USP53: variants seen among roughly 807,000 people sequenced by gnomAD.
USP53 encodes ubiquitin carboxyl-terminal hydrolase 53.
A neutral mutation model predicts 94.9 loss-of-function variants in USP53; 71 were observed. That is an observed-to-expected ratio of 0.75 (90% CI 0.62 to 0.91). The LOEUF (loss-of-function observed/expected upper bound fraction) is 0.91, where lower values mean the gene tolerates loss of function less well. USP53 is among the 40% of genes least tolerant of loss of function. The pLI, the probability that USP53 is intolerant of heterozygous loss-of-function variation, is 0.00. For synonymous variants in USP53, 375 were observed against 422.7 expected, an observed-to-expected ratio of 0.89 and a Z score of 1.39; for missense variants, 1,173 against 1,281.0, an observed-to-expected ratio of 0.92 and a Z score of 1.29.
chr4:119,263,503 T>C (rs1750746517), intron 12 of USP53, among the ~76,000 whole-genome samples: 1 of 152,160 alleles, frequency 6.6e-6, no homozygotes, highest in Admixed American at 6.5e-5. Flanking sequence ...TTCCTTGGAA[T>C]TTTTGGCTAA....
rs1017339896 is a variant in USP53 at position 119,256,653 on chromosome 4, G to A, written c.569+130G>A. 6.5e-6 allele frequency: 6 copies of A among 928,734 alleles called. No homozygotes were observed. In the African/African-American group the frequency reaches 6.6e-5, roughly 10 times the overall value. 57.5% of individuals were successfully genotyped at this position (928,734 alleles called of 1,614,324 possible). On this transcript the variant is annotated intron_variant, in intron 9 of 18. Coordinates refer to ENST00000692078, the MANE Select transcript of USP53 (RefSeq NM_001371395.1). The stretch of plus-strand genomic sequence containing the variant: ...GTCTGAGGCTACCAAGTATGCTGCT[G>A]TGAGATGTATTAAGTGATGTCTATC...
At chr4:119,273,798 A>T in intron 17 of USP53, 90 bp downstream of exon 17, 1 of 1,003,784 alleles carries the variant, frequency 1.0e-6, no homozygotes, top group Non-Finnish European at 1.4e-6. Context: ...AGAAAATCCT[A>T]TATGACTATA....
Position 119,291,163 on chromosome 4 carries a change from A to AAG in USP53, c.2252-2_2252-1insAG. 3 of 1,421,598 alleles carry AAG rather than the reference A, an allele frequency of 2.1e-6. No homozygotes were observed. Among genetic ancestry groups the AAG allele is most frequent in the Non-Finnish European group, 2.8e-6 (3 of 1,059,004 alleles). The allele number at this position is 1,421,598 out of a possible 1,614,324, so 88.1% of individuals were successfully genotyped here. ...TCTTCTCCCCACCCCACCCAACCCTAGGCTTTAGAAAAGAACTCAGGAATT... is the reference window on the plus strand; with the variant it reads ...TCTTCTCCCCACCCCACCCAACCCTAAGGGCTTTAGAAAAGAACTCAGGAATT... On this transcript the variant is annotated splice_acceptor_variant, in intron 17 of 18. Coordinates refer to ENST00000692078, the MANE Select transcript of USP53 (RefSeq NM_001371395.1). LOFTEE classifies it high-confidence loss of function.
In USP53 at chr4:119,237,253, G is replaced by T. The variant is rs139231109; in HGVS notation, c.-543+1842G>T. ...TTTGTTGTTCCATTTGTAGAATACA[G>T]TCAGTCTAGATTTATCATGATTTTT... is the stretch of plus-strand genomic sequence containing the variant. On this transcript the variant is annotated intron_variant, in intron 4 of 18. Transcript: ENST00000692078. Among the ~76,000 whole-genome samples the T allele has an allele frequency of 2.8e-3, 419 of 152,250 alleles. 1 individual carries two copies. Among genetic ancestry groups the T allele is most frequent in the African/African-American group, 9.7e-3 (405 of 41,556 alleles).
At chr4:119,254,245 C>T (rs766003950) in intron 7 of USP53, among the ~76,000 whole-genome samples, 2 of 152,080 alleles carry the variant, frequency 1.3e-5, no homozygotes, top group Non-Finnish European at 2.9e-5. Context: ...TCTGTATTTC[C>T]TGAATTTGAA....
At chr4:119,214,263 G>C (rs1743386828) in intron 2 of USP53, 41 bp downstream of exon 2, 1 of 151,872 alleles carries the variant, frequency 6.6e-6, no homozygotes, top group African/African-American at 2.4e-5. Flanking sequence ...TAAGGTTTTT[G>C]TTTTGTATCT....
At chr4:119,292,149 A>G (rs571883116) in intron 18 of USP53, among the ~76,000 whole-genome samples, 189 bp from the exon 19 acceptor site, 1 of 152,262 alleles carries the variant, frequency 6.6e-6, no homozygotes, top group South Asian at 2.1e-4. Flanking sequence ...TCTGACATAA[A>G]GAGTTTGGAT....
At chr4:119,239,929 T>A (rs1747289394) in intron 5 of USP53, 26 bp downstream of exon 5, 2 of 1,395,312 alleles carry the variant, frequency 1.4e-6, no homozygotes, top group Non-Finnish European at 9.4e-7. Flanking sequence ...CTTATTACAT[T>A]AAAAAAAATA....
chr4:119,291,240 TA>T lies in USP53; in HGVS notation c.2333del (p.Asn778IlefsTer3). ...TTCCACCCAGAATCACATTTACAAA[TA>T]AAAAATCATTTGATAAAAAGGTAAC... The part of the protein sequence containing the change: ...HEFHPESHLQ[I>X]KNHLIKRSHV... On this transcript the variant is annotated frameshift_variant, in exon 18 of 19. Transcript: ENST00000692078. LOFTEE classifies it low-confidence loss of function (END_TRUNC). 1 of 1,358,302 alleles carries T rather than the reference TA, an allele frequency of 7.4e-7. No homozygotes were observed. The highest frequency in any genetic ancestry group is 1.2e-5 in the South Asian group (1 of 84,538). 84.1% of individuals were successfully genotyped at this position (1,358,302 alleles called of 1,614,324 possible).
At chr4:119,212,676 C>A (rs1743008387), upstream of USP53, 1 of 346,662 alleles carries the variant, frequency 2.9e-6, no homozygotes. Flanking sequence ...CTCACAGGGT[C>A]GGGCTCTGGG....
At chr4:119,249,357 A>G (rs1355350963) in intron 7 of USP53, among the ~76,000 whole-genome samples, 1 of 152,154 alleles carries the variant, frequency 6.6e-6, no homozygotes. Flanking sequence ...TGATGTTCTC[A>G]GGCTCTGTGT....
rs865941076 is a variant in USP53 at position 119,294,479 on chromosome 4, G to A, written c.*1268G>A. ...TAAGTTACTTTAATTGCTTTATTTC[G>A]TTAGTTGTCATTTTATTTTGTACTA... On this transcript the variant is annotated 3_prime_UTR_variant, in exon 19 of 19. Coordinates refer to ENST00000692078, the MANE Select transcript of USP53 (RefSeq NM_001371395.1). 4 of 148,502 alleles carry A rather than the reference G, an allele frequency of 2.7e-5. No individual in the cohort carries two copies. Among genetic ancestry groups the A allele is most frequent in the South Asian group, 2.1e-4 (1 of 4,746 alleles). The allele number at this position is 148,502 out of a possible 1,614,324, so 9.2% of individuals were successfully genotyped here. A position where few individuals can be genotyped will look rare whatever the true frequency, so the allele number is the denominator to read the frequency against.
Position 119,271,292 on chromosome 4 carries a change from TAAGA to T in USP53, c.1436-3_1436del, listed in dbSNP as rs1578529976. ...CATGTGTATCTTTAATTTTTTTTTT[TAAGA>T]TTTGGTTGATGAAGACCTTTCACAT... On this transcript the variant is annotated splice_acceptor_variant and splice_polypyrimidine_tract_variant and coding_sequence_variant and intron_variant, in exon 16 of 19. Coordinates refer to ENST00000692078, the MANE Select transcript of USP53 (RefSeq NM_001371395.1). LOFTEE classifies it high-confidence loss of function. 16 of 1,533,192 alleles carry T rather than the reference TAAGA, an allele frequency of 1.0e-5. No homozygotes were observed. The highest frequency in any genetic ancestry group is 2.3e-5 in the Admixed American group (1 of 43,758). The allele number at this position is 1,533,192 out of a possible 1,614,324, so 95.0% of individuals were successfully genotyped here.
intron 6 of USP53, among the ~76,000 whole-genome samples, chr4:119,248,484 A>T (rs200150140): frequency 0.029 from 3,266 of 112,370 alleles, no homozygotes; most frequent in East Asian, 0.053. Context: ...TGAAATGCTC[A>T]GGACCAGCAG....
At chr4:119,254,518 C>T (rs895735095) in intron 7 of USP53, among the ~76,000 whole-genome samples, 6 of 152,178 alleles carry the variant, frequency 3.9e-5, no homozygotes, top group Non-Finnish European at 8.8e-5. Context: ...GAATCGGCTA[C>T]TGAAGCTTGT....
At chr4:119,226,043 A>G (rs981218964) in intron 3 of USP53, among the ~76,000 whole-genome samples, 8 of 152,226 alleles carry the variant, frequency 5.3e-5, no homozygotes, top group Non-Finnish European at 1.0e-4. Context: ...TTCAACAACC[A>G]TTTAAACTGT....
intron 17 of USP53, among the ~76,000 whole-genome samples, chr4:119,280,056 G>A (rs913833477): frequency 3.3e-5 from 5 of 152,274 alleles, no homozygotes; most frequent in Admixed American, 1.3e-4. Flanking sequence ...GAAATCACCC[G>A]TCTTCTGCGT....
At chr4:119,268,483 C>CA in intron 14 of USP53, 63 bp downstream of exon 14, 1 of 1,408,626 alleles carries the variant, frequency 7.1e-7, no homozygotes, top group Non-Finnish European at 9.5e-7. Context: ...CTTCACTTAT[C>CA]GGAGGATGCT....
At chr4:119,248,265 T>C (rs1748513927) in intron 6 of USP53, among the ~76,000 whole-genome samples, 1 of 152,048 alleles carries the variant, frequency 6.6e-6, no homozygotes, top group Admixed American at 6.6e-5. Context: ...TGGGTATCTC[T>C]TGTCTGAAAT....
Sources: allele counts gnomAD v4.1 joint callset (sites outside exome capture counted in the v4.1 genomes callset), GRCh38; gene constraint gnomAD v4.1.1; transcripts MANE v1.5; gene names NCBI Gene and HGNC (gene_info 2026-07-23, HGNC 2026-07-21).